Variants in IGF2BP1 observed in about 807,000 individuals in gnomAD.
IGF2BP1 encodes the protein insulin like growth factor 2 mRNA binding protein 1, also known as insulin-like growth factor 2 mRNA-binding protein 1.
A neutral mutation model predicts 74.9 loss-of-function variants in IGF2BP1; 11 were observed. That is an observed-to-expected ratio of 0.15 (90% CI 0.09 to 0.24). The LOEUF is 0.24. Among genes scored for constraint, IGF2BP1 ranks in the 10% least tolerant of loss-of-function variants. The pLI, the probability that IGF2BP1 is intolerant of heterozygous loss-of-function variation, is 1.00. For synonymous variants in IGF2BP1, 287 were observed against 281.8 expected (o/e 1.02, Z -0.18); for missense variants, 440 against 757.4 (o/e 0.58, Z 4.92).
chr17:49,042,494 A>T, intron 9 of IGF2BP1, 117 bp downstream of exon 9: 1 of 1,067,472 alleles, frequency 9.4e-7, no homozygotes, highest in South Asian at 1.4e-5. Flanking sequence ...GCTTTAGTTG[A>T]TGCTTTTGGA....
intron 4 of IGF2BP1, among the ~76,000 whole-genome samples, chr17:49,030,720 G>A (rs1598147581): frequency 6.6e-6 from 1 of 151,734 alleles, no homozygotes; most frequent in African/African-American, 2.4e-5. Context: ...TCCACGTCCC[G>A]GGTTCAAGCG....
At position 49,055,616 on chromosome 17, in the gene IGF2BP1, G is replaced by C. The variant is rs1478576617; in HGVS notation, c.*6172G>C. 2.5e-6 allele frequency: 1 copy of C among 398,456 alleles called. No individual in the cohort carries two copies. Among genetic ancestry groups the C allele is most frequent in the Non-Finnish European group, 4.4e-6 (1 of 226,078 alleles). The allele number at this position is 398,456 out of a possible 1,614,324, so 24.7% of individuals were successfully genotyped here. ...CAAAATGAATTTCAGCAGATTATGT[G>C]TTACCATAATGAATAAACGTCCTCT... On this transcript the variant is annotated 3_prime_UTR_variant, in exon 15 of 15. Coordinates refer to ENST00000290341, the MANE Select transcript of IGF2BP1 (RefSeq NM_006546.4).
Position 49,046,167 on chromosome 17 carries a change from C to A in IGF2BP1, c.1528-93C>A, listed in dbSNP as rs1003448984. The A allele has an allele frequency of 3.5e-6, 5 of 1,435,568 alleles. No homozygotes were observed. In the African/African-American group the frequency reaches 7.0e-5, roughly 20 times the overall value. 88.9% of individuals were successfully genotyped at this position (1,435,568 alleles called of 1,614,324 possible). A position where few individuals can be genotyped will look rare whatever the true frequency, so the allele number is the denominator to read the frequency against. Reference sequence around the variant, plus strand: ...TCCCCAAGCTCAGGTCCTGACTCTTCCAGGTTCTCCCCACTAGTCACCCTG... The same window carrying A: ...TCCCCAAGCTCAGGTCCTGACTCTTACAGGTTCTCCCCACTAGTCACCCTG... On this transcript the variant is annotated intron_variant, in intron 13 of 14. Transcript: ENST00000290341.
At chr17:49,040,232 C>A (rs1178913933) in intron 7 of IGF2BP1, 141 bp downstream of exon 7, 3 of 1,006,812 alleles carry the variant, frequency 3.0e-6, no homozygotes, top group South Asian at 1.6e-5. Context: ...GAAATAAAAT[C>A]TTTCTTCTTA....
chr17:49,009,357 A>C (rs2041588168), intron 2 of IGF2BP1, among the ~76,000 whole-genome samples: 1 of 123,222 alleles, frequency 8.1e-6, no homozygotes, highest in Non-Finnish European at 1.7e-5. Flanking sequence ...CAGATATTTC[A>C]GATATTTTCT....
At chr17:49,021,496 G>A (rs1461924364) in intron 2 of IGF2BP1, among the ~76,000 whole-genome samples, 1 of 152,072 alleles carries the variant, frequency 6.6e-6, no homozygotes, top group African/African-American at 2.4e-5. Context: ...TATGTATCTG[G>A]CAAGCTGCCG....
chr17:49,034,548 T>G (rs911748352), intron 5 of IGF2BP1, among the ~76,000 whole-genome samples: 1 of 151,704 alleles, frequency 6.6e-6, no homozygotes, highest in Non-Finnish European at 1.5e-5. Context: ...AAGACCAGCC[T>G]GGGCAACATG....
intron 2 of IGF2BP1, among the ~76,000 whole-genome samples, chr17:49,005,558 G>A (rs1360943697): frequency 6.6e-6 from 1 of 152,118 alleles, no homozygotes; most frequent in Non-Finnish European, 1.5e-5. Flanking sequence ...TGGAAATTTT[G>A]CTTATAGTTT....
At chr17:49,035,354 T>C (rs1050045013) in intron 5 of IGF2BP1, among the ~76,000 whole-genome samples, 2 of 152,236 alleles carry the variant, frequency 1.3e-5, no homozygotes, top group Non-Finnish European at 2.9e-5. Context: ...GGCACAAGTA[T>C]CAGTTTTCCT....
chr17:49,025,482 C>A, intron 2 of IGF2BP1, 136 bp from the exon 3 acceptor site: 2 of 778,606 alleles, frequency 2.6e-6, no homozygotes, highest in South Asian at 1.8e-5. Context: ...AAAGTGTATT[C>A]TTAGATTTTA....
chr17:49,048,256 C>CT lies in IGF2BP1; in HGVS notation c.1642-1082dup, dbSNP rs1006855451. ...ATCTGGACTTTATTTTTTATTTTTA[C>CT]TTTTTTTTTTTTTTGAGATGGAGTC... On this transcript the variant is annotated intron_variant, in intron 14 of 14. Transcript: ENST00000290341. Among the ~76,000 whole-genome samples the CT allele has an allele frequency of 3.2e-3, 458 of 142,266 alleles. 1 individual carries two copies. The highest frequency in any genetic ancestry group is 7.9e-3 in the African/African-American group (309 of 39,046). The allele number at this position is 142,266 out of a possible 152,430, so 93.3% of individuals were successfully genotyped here.
chr17:49,004,119 C>T (rs1490348497), intron 2 of IGF2BP1, among the ~76,000 whole-genome samples: 1 of 152,174 alleles, frequency 6.6e-6, no homozygotes, highest in Admixed American at 6.5e-5. Flanking sequence ...GGTGGGGCCG[C>T]CCGCCTGCCT....
intron 2 of IGF2BP1, among the ~76,000 whole-genome samples, chr17:49,008,524 T>C (rs1478883229): frequency 6.6e-6 from 1 of 152,204 alleles, no homozygotes; most frequent in Non-Finnish European, 1.5e-5. Flanking sequence ...CAGAATGATC[T>C]TCACAAACCT....
At chr17:49,004,957 G>A (rs931277835) in intron 2 of IGF2BP1, 9 of 152,228 alleles carry the variant, frequency 5.9e-5, no homozygotes, top group African/African-American at 1.9e-4. Context: ...AATGCCAGCA[G>A]GAAGCTACGT....
At chr17:49,027,377 T>C (rs2144060720) in intron 4 of IGF2BP1, among the ~76,000 whole-genome samples, 1 of 152,344 alleles carries the variant, frequency 6.6e-6, no homozygotes, top group African/African-American at 2.4e-5. Context: ...TTCTTGCTTT[T>C]GGCTGGAATA....
intron 12 of IGF2BP1, 86 bp from the exon 13 acceptor site, chr17:49,045,804 A>G (rs770860751): frequency 2.3e-5 from 33 of 1,464,702 alleles, no homozygotes; most frequent in Non-Finnish European, 2.9e-5. Context: ...GGGCCAGAAA[A>G]TATGGGCTGG....
intron 5 of IGF2BP1, chr17:49,036,522 A>G (rs1187257308): frequency 6.6e-6 from 1 of 152,184 alleles, no homozygotes; most frequent in Non-Finnish European, 1.5e-5. Flanking sequence ...TCGAGACTGC[A>G]TGTTTGTTTT....
chr17:49,042,458 T>C lies in IGF2BP1; in HGVS notation c.1077+81T>C, dbSNP rs1338632600. 10 of 1,484,880 alleles carry C rather than the reference T, an allele frequency of 6.7e-6. No homozygotes were observed. The African/African-American group carries it at 1.1e-4, about 17-fold the overall frequency. The allele number at this position is 1,484,880 out of a possible 1,614,324, so 92.0% of individuals were successfully genotyped here. On this transcript the variant is annotated intron_variant, in intron 9 of 14. Transcript: ENST00000290341. ...CTTGTGGGGTGCAGGGTGATGGACA[T>C]GTGCCCTGTGCCGTGTGGCCTTGGA...
chr17:49,018,871 T>TGG (rs979578517), intron 2 of IGF2BP1, among the ~76,000 whole-genome samples: 1 of 152,084 alleles, frequency 6.6e-6, no homozygotes, highest in Non-Finnish European at 1.5e-5. Flanking sequence ...AAGCTTGGCC[T>TGG]GGGGGAGGGG....
Sources: allele counts gnomAD v4.1 joint callset (sites outside exome capture counted in the v4.1 genomes callset), GRCh38; gene constraint gnomAD v4.1.1; transcripts MANE v1.5; gene names NCBI Gene and HGNC (gene_info 2026-07-23, HGNC 2026-07-21).